Variants in ENOX1 observed in about 807,000 individuals in gnomAD.
The protein encoded by ENOX1 is candidate growth-related and time keeping constitutive hydroquinone (NADH) oxidase.
In ENOX1, 42 loss-of-function variants were observed where a neutral mutation model predicts 82.5. The observed-to-expected ratio is 0.51, with a 90% CI of 0.40 to 0.66. ENOX1 has a LOEUF of 0.66. ENOX1 is among the 30% of genes least tolerant of loss of function. The probability of loss-of-function intolerance (pLI) is 0.00; values close to 1 mark genes in which losing one functional copy is unlikely to be tolerated. For synonymous variants in ENOX1, 271 were observed against 282.2 expected, an observed-to-expected ratio of 0.96 and a Z score of 0.40; for missense variants, 608 against 811.6, an observed-to-expected ratio of 0.75 and a Z score of 3.05.
At chr13:43,675,464 T>C (rs1000507191) in intron 1 of ENOX1, among the ~76,000 whole-genome samples, 2 of 152,218 alleles carry the variant, frequency 1.3e-5, no homozygotes, top group African/African-American at 4.8e-5. Flanking sequence ...GCTTGATCTC[T>C]GCCTTAGCAT....
intron 5 of ENOX1, among the ~76,000 whole-genome samples, chr13:43,377,709 C>A (rs112115330): frequency 1.3e-4 from 20 of 152,248 alleles, no homozygotes; most frequent in African/African-American, 4.3e-4. Context: ...TTCAGTACAA[C>A]AAAGCAAGGG....
At position 43,523,634 on chromosome 13, in the gene ENOX1, C is replaced by A. The variant is rs1038232638; in HGVS notation, c.-218-39482G>T. Among the ~76,000 whole-genome samples, 40 of 152,202 alleles carry A rather than the reference C, an allele frequency of 2.6e-4. 1 individual carries two copies. Among genetic ancestry groups the A allele is most frequent in the African/African-American group, 9.4e-4 (39 of 41,534 alleles). On this transcript the variant is annotated intron_variant, in intron 2 of 16. Coordinates refer to ENST00000690772, the MANE Select transcript of ENOX1 (RefSeq NM_001347969.2). ...AGAAAGCAATGTCTTCTGACAAAGG[C>A]AGAGTTGCTCTAGTAGAAGTGGCCC...
intron 2 of ENOX1, among the ~76,000 whole-genome samples, chr13:43,581,374 C>T (rs993686108): frequency 4.6e-5 from 7 of 151,758 alleles, no homozygotes; most frequent in African/African-American, 7.3e-5. Flanking sequence ...CCTCGTGATC[C>T]GCCCGCCTCA....
At chr13:43,219,347 T>C (rs558265802) in intron 16 of ENOX1, among the ~76,000 whole-genome samples, 3 of 152,292 alleles carry the variant, frequency 2.0e-5, no homozygotes, top group East Asian at 1.9e-4. Context: ...AGATTAGAGA[T>C]AGATGCCATG....
At chr13:43,445,836 G>T (rs1252889589) in intron 3 of ENOX1, among the ~76,000 whole-genome samples, 1 of 152,172 alleles carries the variant, frequency 6.6e-6, no homozygotes, top group East Asian at 1.9e-4. Flanking sequence ...GAGATTCTGG[G>T]TGTGACGCAA....
chr13:43,451,784 T>C, intron 3 of ENOX1, among the ~76,000 whole-genome samples: 1 of 152,220 alleles, frequency 6.6e-6, no homozygotes, highest in East Asian at 1.9e-4. Flanking sequence ...ACCTTTCTCA[T>C]ATAAATTCAT....
rs1457149422 is a variant in ENOX1, at chr13:43,616,204, A to ATATATATAT, written c.-219+51274_-219+51275insATATATATA. Among the ~76,000 whole-genome samples, 96 of 15,308 alleles carry ATATATATAT rather than the reference A, an allele frequency of 6.3e-3. 9 individuals carry two copies. The highest frequency in any genetic ancestry group is 0.01 in the African/African-American group (93 of 8,888). 10.0% of individuals were successfully genotyped at this position (15,308 alleles called of 152,430 possible). A position where few individuals can be genotyped will look rare whatever the true frequency, so the allele number is the denominator to read the frequency against. On this transcript the variant is annotated intron_variant, in intron 2 of 16. Coordinates refer to ENST00000690772, the MANE Select transcript of ENOX1 (RefSeq NM_001347969.2). ...TATCTATCTATATATATATATATAT[A>ATATATATAT]TTTTTTTTTTTTTTTTAGGACGGAG... is the stretch of plus-strand genomic sequence containing the variant.
At chr13:43,436,309 T>C (rs566524602) in intron 3 of ENOX1, among the ~76,000 whole-genome samples, 2 of 152,292 alleles carry the variant, frequency 1.3e-5, no homozygotes, top group South Asian at 4.1e-4. Context: ...AATATAAACA[T>C]ACATTTACTC....
intron 2 of ENOX1, among the ~76,000 whole-genome samples, chr13:43,621,081 T>C (rs1204149934): frequency 6.6e-6 from 1 of 152,210 alleles, no homozygotes; most frequent in Non-Finnish European, 1.5e-5. Context: ...GTTTTTGGTG[T>C]CCATTTGCAT....
intron 11 of ENOX1, among the ~76,000 whole-genome samples, chr13:43,306,013 GGAACCTGGTA>G (rs1207085502): frequency 1.3e-5 from 2 of 152,204 alleles, no homozygotes; most frequent in African/African-American, 4.8e-5. Flanking sequence ...CTACAGATAT[GGAACCTGGTA>G]GAAACTGGTT....
chr13:43,476,371 A>C lies in ENOX1; in HGVS notation c.-75+7638T>G, dbSNP rs113950743. The stretch of plus-strand genomic sequence containing the variant: ...ATCTGGAACCTTTAACAACATACTA[A>C]ACTTTAAAAAAAAGTGCATATTTTT... On this transcript the variant is annotated intron_variant, in intron 3 of 16. Transcript: ENST00000690772. Among the ~76,000 whole-genome samples the C allele has an allele frequency of 6.3e-3, 963 of 152,232 alleles. 14 individuals carry two copies. Among genetic ancestry groups the C allele is most frequent in the African/African-American group, 0.022 (924 of 41,560 alleles).
intron 15 of ENOX1, among the ~76,000 whole-genome samples, chr13:43,234,155 T>C (rs1475212829): frequency 6.6e-6 from 1 of 152,116 alleles, no homozygotes; most frequent in African/African-American, 2.4e-5. Flanking sequence ...ACTCAATGAG[T>C]AGATAGGATC....
chr13:43,333,043 C>T (rs2048497830), intron 9 of ENOX1, among the ~76,000 whole-genome samples: 1 of 152,168 alleles, frequency 6.6e-6, no homozygotes, highest in Non-Finnish European at 1.5e-5. Context: ...CACAAAGGTG[C>T]TAATATTATA....
intron 16 of ENOX1, among the ~76,000 whole-genome samples, chr13:43,221,015 G>A (rs888937842): frequency 1.3e-5 from 2 of 152,202 alleles, no homozygotes; most frequent in South Asian, 4.1e-4. Context: ...TAGTACAGAA[G>A]TGCGAATGAT....
chr13:43,518,783 T>C (rs2077652588), intron 2 of ENOX1, among the ~76,000 whole-genome samples: 1 of 152,228 alleles, frequency 6.6e-6, no homozygotes, highest in South Asian at 2.1e-4. Context: ...ACACTCTGAA[T>C]TGAATATCCT....
chr13:43,420,577 A>G (rs1452085819), intron 3 of ENOX1, among the ~76,000 whole-genome samples: 1 of 152,206 alleles, frequency 6.6e-6, no homozygotes, highest in East Asian at 1.9e-4. Flanking sequence ...GTGTGGTAAA[A>G]GAAAACATAA....
chr13:43,229,047 C>G (rs2042155589), intron 15 of ENOX1, among the ~76,000 whole-genome samples: 1 of 152,152 alleles, frequency 6.6e-6, no homozygotes, highest in African/African-American at 2.4e-5. Flanking sequence ...ATCATAGGGG[C>G]AGTTTCCCCA....
At chr13:43,721,687 T>C (rs2088594473) in intron 1 of ENOX1, among the ~76,000 whole-genome samples, 1 of 152,150 alleles carries the variant, frequency 6.6e-6, no homozygotes, top group Non-Finnish European at 1.5e-5. Flanking sequence ...CTATATTTTA[T>C]ATCTTTACTG....
chr13:43,482,894 A>C (rs937612764), intron 3 of ENOX1, among the ~76,000 whole-genome samples: 3 of 152,072 alleles, frequency 2.0e-5, no homozygotes, highest in African/African-American at 7.2e-5. Flanking sequence ...ATGGAGGCAC[A>C]ACTTCTCATC....
Sources: gnomAD v4.1 joint callset for allele counts (sites outside exome capture counted in the v4.1 genomes callset) on GRCh38, gnomAD v4.1.1 for gene constraint, MANE v1.5 for transcripts, NCBI Gene and HGNC (gene_info 2026-07-23, HGNC 2026-07-21) for gene names.